WNT3A: variants seen among roughly 807,000 people sequenced by gnomAD.
WNT3A encodes the protein Wnt family member 3A, also known as protein Wnt-3a.
A neutral mutation model predicts 37.0 loss-of-function variants in WNT3A; 17 were observed. That is an observed-to-expected ratio of 0.46 (90% CI 0.31 to 0.69). The LOEUF is 0.69. Among genes scored for constraint, WNT3A ranks in the 30% least tolerant of loss-of-function variants. The pLI, the probability that WNT3A is intolerant of heterozygous loss-of-function variation, is 0.05. For missense variants in WNT3A, 411 were observed against 510.2 expected (o/e 0.81, Z 1.87); for synonymous variants, 187 against 211.0 (o/e 0.89, Z 0.99).
At chr1:228,009,669 G>T (rs758818153) in intron 1 of WNT3A, among the ~76,000 whole-genome samples, 3 of 152,160 alleles carry the variant, frequency 2.0e-5, no homozygotes, top group African/African-American at 4.8e-5. Context: ...CACCATCACC[G>T]GCACATGAAA....
chr1:228,057,897 G>C (rs534517943), intron 3 of WNT3A, among the ~76,000 whole-genome samples: 11 of 152,348 alleles, frequency 7.2e-5, no homozygotes, highest in African/African-American at 2.4e-4. Flanking sequence ...ATGGAGTGCA[G>C]TGGCGCAATC....
At chr1:228,022,287 G>T (rs2030725945) in intron 1 of WNT3A, among the ~76,000 whole-genome samples, 1 of 152,078 alleles carries the variant, frequency 6.6e-6, no homozygotes, top group Non-Finnish European at 1.5e-5. Flanking sequence ...GCAGGACCTT[G>T]TCTCTACAAA....
Position 228,043,702 on chromosome 1 carries a change from CT to C in WNT3A, c.314-6953del, listed in dbSNP as rs778874886. Reference sequence around the variant, plus strand: ...AGCTCCTCTGTAAACAGAGGTGACTCTGGGCAGTGGTTCATAGCCTGCATGC... The same window carrying C: ...AGCTCCTCTGTAAACAGAGGTGACTCGGGCAGTGGTTCATAGCCTGCATGC... On this transcript the variant is annotated intron_variant, in intron 2 of 3. Transcript: ENST00000284523. Among the ~76,000 whole-genome samples, 4 of 152,324 alleles carry C rather than the reference CT, an allele frequency of 2.6e-5. No individual in the cohort carries two copies. The South Asian group carries it at 8.3e-4, about 32-fold the overall frequency.
chr1:228,058,949 G>A (rs1302903917), intron 3 of WNT3A, 37 bp from the exon 4 acceptor site: 2 of 1,568,496 alleles, frequency 1.3e-6, no homozygotes, highest in African/African-American at 1.3e-5. Flanking sequence ...CGCACCAGGG[G>A]GCCGCCCTGA....
intron 3 of WNT3A, among the ~76,000 whole-genome samples, chr1:228,052,810 A>T (rs1348197739): frequency 6.6e-6 from 1 of 152,232 alleles, no homozygotes; most frequent in Non-Finnish European, 1.5e-5. Flanking sequence ...TACCCAATTC[A>T]TGATAGATGA....
intron 3 of WNT3A, among the ~76,000 whole-genome samples, chr1:228,053,525 G>A (rs2031604885): frequency 6.6e-6 from 1 of 152,088 alleles, no homozygotes; most frequent in Non-Finnish European, 1.5e-5. Flanking sequence ...ACCACTATGG[G>A]ACTGAAAAGG....
chr1:228,043,903 G>A (rs900857900), intron 2 of WNT3A, among the ~76,000 whole-genome samples: 60 of 152,186 alleles, frequency 3.9e-4, no homozygotes, highest in African/African-American at 1.4e-3. Flanking sequence ...TCCTGCCGCT[G>A]TGCCTGCCAC....
chr1:228,018,721 A>G (rs539901753), intron 1 of WNT3A, among the ~76,000 whole-genome samples: 1 of 151,994 alleles, frequency 6.6e-6, no homozygotes, highest in Non-Finnish European at 1.5e-5. Flanking sequence ...TAATGACCCA[A>G]CTGATCCTTC....
intron 2 of WNT3A, among the ~76,000 whole-genome samples, chr1:228,023,143 T>C (rs1044499052): frequency 2.6e-5 from 4 of 152,208 alleles, no homozygotes; most frequent in Non-Finnish European, 5.9e-5. Flanking sequence ...GCGGGCATTC[T>C]AAGGTGACTC....
rs972949582 is a variant in WNT3A, at chr1:228,059,070, C to G, written c.664C>G (p.Pro222Ala). Residue 222 changes from proline (P) to alanine (A), a missense_variant, in exon 4 of 4, where the codon CCC (proline) becomes GCC (alanine). By Grantham distance (27) the Pro-to-Ala change is conservative (BLOSUM62 -1). Transcript: ENST00000284523. ...GGTGAAGACATGCTGGTGGTCGCAA[C>G]CCGACTTCCGCGCCATCGGTGACTT... ...CEVKTCWWSQ[P>A]DFRAIGDFLK... is the part of the protein sequence containing the mutation. 6.2e-7 allele frequency: 1 copy of G among 1,613,548 alleles called. No individual in the cohort carries two copies. Among genetic ancestry groups the G allele is most frequent in the Admixed American group, 1.7e-5 (1 of 60,004 alleles).
chr1:228,056,689 G>C (rs1488438919), intron 3 of WNT3A, among the ~76,000 whole-genome samples: 3 of 152,176 alleles, frequency 2.0e-5, no homozygotes, highest in African/African-American at 4.8e-5. Flanking sequence ...GCCACTAAGT[G>C]ACGAGAACAA....
At chr1:228,044,966 T>G (rs2031368175) in intron 2 of WNT3A, among the ~76,000 whole-genome samples, 1 of 152,150 alleles carries the variant, frequency 6.6e-6, no homozygotes, top group South Asian at 2.1e-4. Context: ...GCTCCAGGGT[T>G]TTCTCAGCCT....
Position 228,016,267 on chromosome 1 carries a change from G to A in WNT3A, c.72-6400G>A, listed in dbSNP as rs1043892135. On this transcript the variant is annotated intron_variant, in intron 1 of 3. Transcript: ENST00000284523. ...CAAGTTTAGACTCAAGGAAGCCATA[G>A]AAGTTTCCCCGTCAGCCTTAGAATG... 4.6e-5 allele frequency among the ~76,000 whole-genome samples: 7 copies of A among 152,170 alleles called. 1 individual carries two copies. The highest frequency in any genetic ancestry group is 1.7e-4 in the African/African-American group (7 of 41,438).
Position 228,059,168 on chromosome 1 carries a change from G to T in WNT3A, c.762G>T (p.Glu254Asp), listed in dbSNP as rs1393525016. ...ACCGGGAGTCCCGCGGCTGGGTGGA[G>T]ACCCTGCGGCCGCGCTACACCTACT... ...EKHRESRGWV[E>D]TLRPRYTYFK... The change falls in exon 4 of 4, where the codon GAG (glutamate) becomes GAT (aspartate). Residue 254 changes from glutamate to aspartate, a missense_variant. Transcript: ENST00000284523. The T allele has an allele frequency of 2.5e-6, 4 of 1,613,334 alleles. No homozygotes were observed. Among genetic ancestry groups the T allele is most frequent in the Non-Finnish European group, 3.4e-6 (4 of 1,179,976 alleles).
chr1:228,052,688 C>T (rs1193433695), intron 3 of WNT3A, among the ~76,000 whole-genome samples: 1 of 152,148 alleles, frequency 6.6e-6, no homozygotes, highest in Non-Finnish European at 1.5e-5. Flanking sequence ...GGATATTCAC[C>T]TTTTAACAGT....
At chr1:228,057,272 G>C (rs2031701488) in intron 3 of WNT3A, among the ~76,000 whole-genome samples, 1 of 152,206 alleles carries the variant, frequency 6.6e-6, no homozygotes, top group Admixed American at 6.5e-5. Flanking sequence ...TGGGAAGTGT[G>C]CATCAGTGTG....
At chr1:228,034,247 G>A (rs1237550902) in intron 2 of WNT3A, among the ~76,000 whole-genome samples, 2 of 152,142 alleles carry the variant, frequency 1.3e-5, no homozygotes, top group Non-Finnish European at 2.9e-5. Context: ...GGGCAACAGA[G>A]TGAGACTCTG....
chr1:228,046,190 G>C (rs1345284945), intron 2 of WNT3A, among the ~76,000 whole-genome samples: 1 of 152,254 alleles, frequency 6.6e-6, no homozygotes, highest in South Asian at 2.1e-4. Flanking sequence ...ATCCAGAGGG[G>C]GCCTGGCATG....
chr1:228,027,535 A>C (rs962667561), intron 2 of WNT3A, among the ~76,000 whole-genome samples: 1 of 152,134 alleles, frequency 6.6e-6, no homozygotes, highest in African/African-American at 2.4e-5. Context: ...AGTGATGTTG[A>C]GCATTTTTAC....
Sources: gnomAD v4.1 joint callset for allele counts (sites outside exome capture counted in the v4.1 genomes callset) on GRCh38, gnomAD v4.1.1 for gene constraint, MANE v1.5 for transcripts, NCBI Gene and HGNC (gene_info 2026-07-23, HGNC 2026-07-21) for gene names.